BBS4: variants seen among roughly 807,000 people sequenced by gnomAD.
The protein encoded by BBS4 is BBSome complex member BBS4.
Under a neutral mutation model 71.4 loss-of-function variants are expected in BBS4, and 58 were observed. That is an observed-to-expected ratio of 0.81 (90% CI 0.66 to 1.01). The LOEUF (loss-of-function observed/expected upper bound fraction) is 1.01. BBS4 is among the 50% of genes least tolerant of loss of function. The pLI is 0.00. For synonymous variants in BBS4, 228 were observed against 216.8 expected (o/e 1.05, Z -0.46); for missense variants, 660 against 607.9 (o/e 1.09, Z -0.90).
rs138912724 is a variant in BBS4, at chr15:72,686,281, G to T, written c.24+30G>T. The T allele has an allele frequency of 6.8e-4, 1,060 of 1,559,376 alleles. 4 individuals carry two copies. In the African/African-American group the frequency reaches 0.013, roughly 19 times the overall value. On this transcript the variant is annotated intron_variant, in intron 1 of 15. Transcript: ENST00000268057. ...GCGCCGAGATTCTCTTTAGTTGCCCGGCCGCAGGGCAAGGCAAGCTGGCGG... is the reference window on the plus strand; with the variant it reads ...GCGCCGAGATTCTCTTTAGTTGCCCTGCCGCAGGGCAAGGCAAGCTGGCGG...
chr15:72,716,504 T>C (rs2065470701), intron 5 of BBS4, among the ~76,000 whole-genome samples: 1 of 152,206 alleles, frequency 6.6e-6, no homozygotes, highest in East Asian at 1.9e-4. Context: ...TCTGCATTTA[T>C]AGTACATTGT....
In BBS4 at chr15:72,724,551, C is replaced by T; in HGVS notation, c.483C>T (p.Ala161=). ...AGGCACAAGACCAGTTGCACAATGC[C>T]CTGAATCTTAATAGGCACGATCTGA... is the stretch of plus-strand genomic sequence containing the variant. ...FNKAQDQLHN[A]LNLNRHDLTY... The change falls in exon 8 of 16, where the codon GCC becomes GCT. Residue 161 remains alanine (A), a synonymous_variant. Coordinates refer to ENST00000268057, the MANE Select transcript of BBS4 (RefSeq NM_033028.5). 2 of 1,613,950 alleles carry T rather than the reference C, an allele frequency of 1.2e-6. No homozygotes were observed. The highest frequency in any genetic ancestry group is 1.7e-6 in the Non-Finnish European group (2 of 1,179,946).
chr15:72,696,852 A>G (rs1480097442), intron 2 of BBS4, among the ~76,000 whole-genome samples: 1 of 152,030 alleles, frequency 6.6e-6, no homozygotes, highest in East Asian at 1.9e-4. Flanking sequence ...CGGCCTCCTG[A>G]AGTACTGGCA....
At chr15:72,734,361 A>C (rs1201590294) in intron 12 of BBS4, among the ~76,000 whole-genome samples, 1 of 152,254 alleles carries the variant, frequency 6.6e-6, no homozygotes, top group Non-Finnish European at 1.5e-5. Context: ...AATAGCACAG[A>C]ATGGCTGAGG....
rs935263542 is a variant in BBS4, at chr15:72,701,042, A to G, written c.76+5814A>G. On this transcript the variant is annotated intron_variant, in intron 2 of 15. Coordinates refer to ENST00000268057, the MANE Select transcript of BBS4 (RefSeq NM_033028.5). ...TGCAGTGAATTTTTACAAAGTAAAC[A>G]TATCCATGTAATCACCATCTAGATT... 4.1e-4 allele frequency among the ~76,000 whole-genome samples: 62 copies of G among 152,344 alleles called. 1 individual carries two copies. Among genetic ancestry groups the G allele is most frequent in the African/African-American group, 1.4e-3 (58 of 41,590 alleles).
intron 10 of BBS4, 60 bp from the exon 11 acceptor site, chr15:72,731,245 G>C: frequency 6.2e-7 from 1 of 1,609,498 alleles, no homozygotes. Flanking sequence ...CAGGAAAGCT[G>C]CCCCACTGCT....
At chr15:72,733,561 A>G (rs2065867830) in intron 12 of BBS4, among the ~76,000 whole-genome samples, 1 of 152,080 alleles carries the variant, frequency 6.6e-6, no homozygotes, top group Non-Finnish European at 1.5e-5. Context: ...TTTGCTAAGG[A>G]TGGTGGCCTC....
chr15:72,737,039 C>T, intron 15 of BBS4, 76 bp downstream of exon 15: 1 of 1,512,304 alleles, frequency 6.6e-7, no homozygotes, highest in Non-Finnish European at 9.1e-7. Flanking sequence ...TTATAGCTTT[C>T]AGTGAGGTTC....
At chr15:72,731,166 G>A in intron 10 of BBS4, 139 bp from the exon 11 acceptor site, 1 of 837,038 alleles carries the variant, frequency 1.2e-6, no homozygotes, top group Non-Finnish European at 1.8e-6. Flanking sequence ...CAATAGGTTG[G>A]ATATATTTAT....
intron 2 of BBS4, chr15:72,704,508 T>G: frequency 8.4e-7 from 1 of 1,197,218 alleles, no homozygotes; most frequent in Non-Finnish European, 1.1e-6. Context: ...AAATTCAGGA[T>G]TCATAGATTC....
chr15:72,714,372 C>T (rs566908046), intron 4 of BBS4, among the ~76,000 whole-genome samples: 1 of 152,186 alleles, frequency 6.6e-6, no homozygotes, highest in African/African-American at 2.4e-5. Context: ...ATTACAGGCA[C>T]ATGCCACCAT....
intron 2 of BBS4, among the ~76,000 whole-genome samples, chr15:72,696,846 C>G (rs978446847): frequency 6.6e-6 from 1 of 152,118 alleles, no homozygotes; most frequent in African/African-American, 2.4e-5. Flanking sequence ...CATCTTCGGC[C>G]TCCTGAAGTA....
intron 14 of BBS4, among the ~76,000 whole-genome samples, chr15:72,736,323 C>T (rs778807537): frequency 3.4e-5 from 5 of 149,188 alleles, no homozygotes; most frequent in Non-Finnish European, 7.4e-5. Flanking sequence ...TTCACTGCAA[C>T]CTCCGCCTCC....
chr15:72,733,031 A>G (rs1438717196), intron 12 of BBS4, among the ~76,000 whole-genome samples: 1 of 152,202 alleles, frequency 6.6e-6, no homozygotes, highest in African/African-American at 2.4e-5. Flanking sequence ...GCAGTTAAGA[A>G]TATGAACACT....
intron 2 of BBS4, among the ~76,000 whole-genome samples, chr15:72,701,463 G>C (rs2065167307): frequency 6.6e-6 from 1 of 152,060 alleles, no homozygotes; most frequent in South Asian, 2.1e-4. Flanking sequence ...TACATACTTA[G>C]GAGTAGGATT....
At chr15:72,695,028 C>A in intron 1 of BBS4, 149 bp from the exon 2 acceptor site, 1 of 575,826 alleles carries the variant, frequency 1.7e-6, no homozygotes, top group Non-Finnish European at 3.1e-6. Flanking sequence ...TTTTTTAAAC[C>A]ATATTTAAAG....
At chr15:72,714,827 A>C (rs1417526304) in intron 4 of BBS4, among the ~76,000 whole-genome samples, 1 of 152,226 alleles carries the variant, frequency 6.6e-6, no homozygotes, top group Non-Finnish European at 1.5e-5. Flanking sequence ...TACACTGACA[A>C]CTGAAGTCTT....
chr15:72,715,232 G>A, intron 4 of BBS4, 59 bp from the exon 5 acceptor site: 1 of 1,300,528 alleles, frequency 7.7e-7, no homozygotes, highest in Non-Finnish European at 1.1e-6. Flanking sequence ...TCTGACCCCA[G>A]GCTCCATTCT....
chr15:72,695,209 A>G lies in BBS4; in HGVS notation c.57A>G (p.Gln19=). Residue 19 remains glutamine (Q), a synonymous_variant, in exon 2 of 16, where the codon CAA becomes CAG. Coordinates refer to ENST00000268057, the MANE Select transcript of BBS4 (RefSeq NM_033028.5). ...RTQFPVSTES[Q]KPRQKKAPEF... The stretch of plus-strand genomic sequence containing the variant: ...AATTTCCTGTATCTACTGAGTCTCA[A>G]AAACCCCGGCAGAAAAAAGGTCTGT... 1 of 1,606,152 alleles carries G rather than the reference A, an allele frequency of 6.2e-7. No homozygotes were observed. The highest frequency in any genetic ancestry group is 1.7e-4 in the Middle Eastern group (1 of 5,984).
Sources: allele counts gnomAD v4.1 joint callset (sites outside exome capture counted in the v4.1 genomes callset), GRCh38; gene constraint gnomAD v4.1.1; transcripts MANE v1.5; gene names NCBI Gene and HGNC (gene_info 2026-07-23, HGNC 2026-07-21).